The following METTL15 variants were observed in gnomAD, a reference collection of about 807,000 sequenced individuals.
The protein encoded by METTL15 is methyltransferase 15, mitochondrial 12S rRNA N4-cytidine.
A neutral mutation model predicts 38.3 loss-of-function variants in METTL15; 34 were observed. That is an observed-to-expected ratio of 0.89 (90% CI 0.68 to 1.18). The LOEUF is 1.18. Ranked by LOEUF, METTL15 falls within the 50% of genes most tolerant of loss-of-function variation. METTL15 has a pLI of 0.00. For synonymous variants in METTL15, 162 were observed against 170.9 expected, an observed-to-expected ratio of 0.95 and a Z score of 0.41; for missense variants, 438 against 498.4, an observed-to-expected ratio of 0.88 and a Z score of 1.15.
At chr11:28,119,677 G>A (rs1389958008) in intron 3 of METTL15, among the ~76,000 whole-genome samples, 1 of 151,974 alleles carries the variant, frequency 6.6e-6, no homozygotes, top group South Asian at 2.1e-4. Flanking sequence ...CTATAGTTAT[G>A]GTACTAGCTT....
intron 3 of METTL15, among the ~76,000 whole-genome samples, chr11:28,184,609 A>T (rs1438520720): frequency 6.6e-6 from 1 of 151,610 alleles, no homozygotes. Context: ...ACACGTTTAA[A>T]TACTTAGTAC....
intron 3 of METTL15, among the ~76,000 whole-genome samples, chr11:28,120,142 CAG>C (rs1856816982): frequency 6.6e-6 from 1 of 151,834 alleles, no homozygotes; most frequent in Admixed American, 6.6e-5. Context: ...TTAGTAGAGA[CAG>C]GGTTTCACCG....
At chr11:28,183,007 C>T (rs781582591) in intron 3 of METTL15, among the ~76,000 whole-genome samples, 2 of 151,936 alleles carry the variant, frequency 1.3e-5, no homozygotes, top group Non-Finnish European at 2.9e-5. Flanking sequence ...GTATTTTATT[C>T]TCTTAGTAGC....
intron 3 of METTL15, among the ~76,000 whole-genome samples, chr11:28,115,146 T>C (rs1432932653): frequency 6.6e-6 from 1 of 152,168 alleles, no homozygotes; most frequent in Admixed American, 6.5e-5. Context: ...CCCTACAGAG[T>C]TGAAAATCCA....
downstream of METTL15, among the ~76,000 whole-genome samples, chr11:28,336,165 A>G (rs993053323): frequency 5.9e-5 from 9 of 152,160 alleles, no homozygotes; most frequent in African/African-American, 2.2e-4. Context: ...TGTATTATTT[A>G]TTAAACACTC....
chr11:28,292,427 A>C (rs1361181157), intron 5 of METTL15, among the ~76,000 whole-genome samples: 3 of 152,062 alleles, frequency 2.0e-5, no homozygotes, highest in African/African-American at 7.2e-5. Context: ...CATGATGTAT[A>C]TGTGCCACAT....
intron 3 of METTL15, among the ~76,000 whole-genome samples, chr11:28,203,113 A>G (rs78749204): frequency 0.019 from 2,933 of 152,208 alleles, 70 homozygotes; most frequent in South Asian, 0.12. Context: ...GTATAGAGCT[A>G]TGTATTCTTT....
chr11:28,466,274 G>C (rs1851256216), intron 6 of METTL15, among the ~76,000 whole-genome samples: 1 of 152,228 alleles, frequency 6.6e-6, no homozygotes. Flanking sequence ...CAAATTGGAA[G>C]ACTGTTTTTA....
chr11:28,476,205 G>GC (rs1249035409), intron 6 of METTL15, among the ~76,000 whole-genome samples: 1 of 152,150 alleles, frequency 6.6e-6, no homozygotes, highest in African/African-American at 2.4e-5. Flanking sequence ...GCCAAGCCCA[G>GC]CCCATTGTCC....
At chr11:28,208,764 A>G (rs1328404099) in intron 3 of METTL15, among the ~76,000 whole-genome samples, 2 of 151,798 alleles carry the variant, frequency 1.3e-5, no homozygotes, top group African/African-American at 4.8e-5. Context: ...ACTCCTACAG[A>G]TTTTAAACTG....
chr11:28,323,776 A>T (rs1012936411), intron 6 of METTL15, among the ~76,000 whole-genome samples: 5 of 152,164 alleles, frequency 3.3e-5, no homozygotes, highest in African/African-American at 4.8e-5. Flanking sequence ...CTGATGTGAG[A>T]CAAAGAAAAC....
intron 4 of METTL15, among the ~76,000 whole-genome samples, chr11:28,353,100 G>A (rs913415550): frequency 3.3e-5 from 5 of 152,076 alleles, no homozygotes; most frequent in Non-Finnish European, 7.4e-5. Flanking sequence ...GAAAAGAAAA[G>A]CCCATATTCT....
At chr11:28,203,232 A>G (rs1852181008) in intron 3 of METTL15, among the ~76,000 whole-genome samples, 1 of 152,080 alleles carries the variant, frequency 6.6e-6, no homozygotes, top group African/African-American at 2.4e-5. Context: ...TCATTTTTAA[A>G]TTTCAAAATC....
chr11:28,357,096 G>A lies in METTL15; in HGVS notation c.*259-4841G>A, dbSNP rs935947820. On this transcript the variant is annotated intron_variant and NMD_transcript_variant, in intron 4 of 7. Coordinates refer to the METTL15 transcript ENST00000532947. ...CTTTGAATTTTATTTCCTGCTCTTCGTAGGCAGAACATTTGCTTTTTACTT... is the reference window on the plus strand; with the variant it reads ...CTTTGAATTTTATTTCCTGCTCTTCATAGGCAGAACATTTGCTTTTTACTT... Among the ~76,000 whole-genome samples the A allele has an allele frequency of 5.9e-5, 9 of 152,254 alleles. 1 individual carries two copies. Among genetic ancestry groups the A allele is most frequent in the Middle Eastern group, 6.8e-3 (2 of 294 alleles).
At chr11:28,128,679 C>G (rs192090545) in intron 3 of METTL15, among the ~76,000 whole-genome samples, 149 of 152,090 alleles carry the variant, frequency 9.8e-4, no homozygotes, top group African/African-American at 3.5e-3. Flanking sequence ...CACTCTTTTT[C>G]CCTTTGTAGA....
At chr11:28,188,888 T>G (rs565290383) in intron 3 of METTL15, among the ~76,000 whole-genome samples, 1 of 151,302 alleles carries the variant, frequency 6.6e-6, no homozygotes, top group Non-Finnish European at 1.5e-5. Flanking sequence ...TAAAGGAAAC[T>G]GTGATTATTC....
intron 4 of METTL15, among the ~76,000 whole-genome samples, chr11:28,218,767 C>A (rs375075789): frequency 2.3e-4 from 35 of 152,146 alleles, no homozygotes; most frequent in African/African-American, 6.5e-4. Flanking sequence ...TTTTAGCATG[C>A]AGGGCTGTTG....
At chr11:28,378,068 A>AC (rs1189068675) in intron 5 of METTL15, among the ~76,000 whole-genome samples, 1 of 152,098 alleles carries the variant, frequency 6.6e-6, no homozygotes, top group Non-Finnish European at 1.5e-5. Flanking sequence ...AAGCTGTCAG[A>AC]CAGGGACATT....
At chr11:28,241,575 AG>A (rs1854299790) in intron 4 of METTL15, among the ~76,000 whole-genome samples, 1 of 151,968 alleles carries the variant, frequency 6.6e-6, no homozygotes. Flanking sequence ...AGAAAAGCAA[AG>A]GGGATTGGGA....
Sources: gnomAD v4.1 joint callset for allele counts (sites outside exome capture counted in the v4.1 genomes callset) on GRCh38, gnomAD v4.1.1 for gene constraint, MANE v1.5 for transcripts, NCBI Gene and HGNC (gene_info 2026-07-23, HGNC 2026-07-21) for gene names.